Variants in TENM2 observed in about 807,000 individuals in gnomAD.
TENM2 encodes the protein teneurin-2.
A neutral mutation model predicts 245.2 loss-of-function variants in TENM2; 52 were observed. The observed-to-expected ratio is 0.21, with a 90% CI of 0.17 to 0.27. The LOEUF (loss-of-function observed/expected upper bound fraction) is 0.27. TENM2 is among the 10% of genes least tolerant of loss of function. The pLI is 1.00. For synonymous variants in TENM2, 1,363 were observed against 1,438.9 expected (o/e 0.95, Z 1.19); for missense variants, 3,046 against 3,666.8 (o/e 0.83, Z 4.37).
intron 2 of TENM2, among the ~76,000 whole-genome samples, chr5:167,709,033 A>G (rs950079205): frequency 3.9e-5 from 6 of 152,062 alleles, no homozygotes; most frequent in African/African-American, 1.2e-4. Context: ...TGTCTATCCA[A>G]TACAGTCCTA....
Position 167,550,692 on chromosome 5 carries a change from TG to T in TENM2, c.502+175220del, listed in dbSNP as rs1349509320. Among the ~76,000 whole-genome samples the T allele has an allele frequency of 4.7e-3, 654 of 139,086 alleles. 45 individuals carry two copies. The highest frequency in any genetic ancestry group is 0.015 in the African/African-American group (570 of 36,892). 91.2% of individuals were successfully genotyped at this position (139,086 alleles called of 152,430 possible). On this transcript the variant is annotated intron_variant, in intron 2 of 28. Coordinates refer to ENST00000518659, the Ensembl canonical transcript of TENM2. ...TCTACACAATTACCTTTTTTTTTGT[TG>T]TTGTTAGTGTGTGTGTGTGTGTGTG... is the stretch of plus-strand genomic sequence containing the variant.
intron 2 of TENM2, among the ~76,000 whole-genome samples, chr5:167,762,650 T>A (rs951780961): frequency 6.6e-6 from 1 of 152,232 alleles, no homozygotes; most frequent in African/African-American, 2.4e-5. Flanking sequence ...ACTTCTGTGC[T>A]TAGGCAAAGT....
intron 8 of TENM2, 47 bp from the exon 11 acceptor site, chr5:168,097,979 C>T (rs938906802): frequency 7.7e-6 from 11 of 1,427,098 alleles, no homozygotes; most frequent in Non-Finnish European, 9.8e-6. Flanking sequence ...AATTACTGCA[C>T]CAGTAGACAG....
intron 2 of TENM2, among the ~76,000 whole-genome samples, chr5:167,825,273 G>A (rs139800200): frequency 4.7e-4 from 72 of 151,808 alleles, no homozygotes; most frequent in Non-Finnish European, 8.5e-4. Flanking sequence ...TGCATAGTGC[G>A]TGTAGTACAT....
intron 2 of TENM2, among the ~76,000 whole-genome samples, chr5:167,520,996 T>C (rs891982558): frequency 1.3e-5 from 2 of 151,238 alleles, no homozygotes; most frequent in African/African-American, 4.9e-5. Context: ...TCAGGGCTCG[T>C]TCCTAATTAA....
chr5:167,304,062 A>G (rs1321601329), intron 1 of TENM2, among the ~76,000 whole-genome samples: 4 of 152,216 alleles, frequency 2.6e-5, no homozygotes, highest in East Asian at 1.9e-4. Flanking sequence ...TTTTCTGACA[A>G]TAATGTGCTA....
In TENM2 at chr5:167,899,838, G is replaced by A. The variant is rs1004999140; in HGVS notation, c.712+23643G>A. The stretch of plus-strand genomic sequence containing the variant: ...GACCAAGTGCCCATTAGGATGGAGC[G>A]AAAGAACGGCATCCGACTCTTACAA... On this transcript the variant is annotated intron_variant, in intron 3 of 28. Transcript: ENST00000518659. Among the ~76,000 whole-genome samples the A allele has an allele frequency of 3.9e-5, 6 of 152,116 alleles. No homozygotes were observed. In the East Asian group the frequency reaches 5.8e-4, roughly 15 times the overall value.
intron 1 of TENM2, among the ~76,000 whole-genome samples, chr5:167,370,659 A>G (rs946490900): frequency 2.0e-5 from 3 of 152,288 alleles, no homozygotes; most frequent in Non-Finnish European, 4.4e-5. Flanking sequence ...GCCATAGAGC[A>G]CATACCTGAA....
intron 1 of TENM2, among the ~76,000 whole-genome samples, chr5:167,343,001 A>G (rs1210664198): frequency 1.3e-5 from 2 of 151,514 alleles, no homozygotes; most frequent in Non-Finnish European, 2.9e-5. Context: ...TCCTCCATTT[A>G]TTTACCTATT....
At chr5:167,884,130 C>A (rs1398692965) in intron 3 of TENM2, among the ~76,000 whole-genome samples, 1 of 152,206 alleles carries the variant, frequency 6.6e-6, no homozygotes, top group Non-Finnish European at 1.5e-5. Flanking sequence ...CTGTTATAAA[C>A]ATTTAAATGA....
chr5:167,852,901 A>G (rs1770712999), intron 2 of TENM2, among the ~76,000 whole-genome samples: 1 of 152,174 alleles, frequency 6.6e-6, no homozygotes, highest in Non-Finnish European at 1.5e-5. Flanking sequence ...CGGAAGATGG[A>G]AACCTCTGTT....
At chr5:167,860,026 G>A (rs1289340225) in intron 2 of TENM2, among the ~76,000 whole-genome samples, 1 of 46,380 alleles carries the variant, frequency 2.2e-5, no homozygotes, top group Non-Finnish European at 4.6e-5. Flanking sequence ...CGGCCCCCCT[G>A]CCCGGCCAGC....
chr5:167,384,849 A>T (rs1761323907), intron 2 of TENM2, among the ~76,000 whole-genome samples: 1 of 152,218 alleles, frequency 6.6e-6, no homozygotes. Context: ...GCATTTCAGT[A>T]GCAGAAATTA....
chr5:168,013,987 G>C (rs1249231461), intron 5 of TENM2, among the ~76,000 whole-genome samples: 1 of 152,152 alleles, frequency 6.6e-6, no homozygotes, highest in East Asian at 1.9e-4. Context: ...CTGCGTCCAA[G>C]TTTTCCCTAT....
At chr5:167,283,963 A>AT (rs1011655008), upstream of TENM2, among the ~76,000 whole-genome samples, 603 of 146,270 alleles carry the variant, frequency 4.1e-3, 2 homozygotes, top group African/African-American at 0.013. Context: ...AGCTTTCCTC[A>AT]TTTTTTTTTT....
chr5:167,924,243 T>A (rs1333337774), intron 3 of TENM2, among the ~76,000 whole-genome samples: 3 of 152,204 alleles, frequency 2.0e-5, no homozygotes, highest in African/African-American at 7.2e-5. Context: ...TCAGGCCCAG[T>A]TAGCTGAATA....
At chr5:167,900,133 A>AG (rs70976451) in intron 3 of TENM2, among the ~76,000 whole-genome samples, 22 of 100,522 alleles carry the variant, frequency 2.2e-4, no homozygotes, top group East Asian at 4.1e-4. Context: ...AAAAAAAAAA[A>AG]GGGGGGGGGG....
chr5:167,538,731 C>T (rs1449299676), intron 2 of TENM2, among the ~76,000 whole-genome samples: 2 of 152,186 alleles, frequency 1.3e-5, no homozygotes, highest in Admixed American at 6.5e-5. Flanking sequence ...CTTCTCCTCT[C>T]ATTCCAGCTT....
intron 9 of TENM2, among the ~76,000 whole-genome samples, chr5:168,112,710 C>T (rs1794779496): frequency 6.6e-6 from 1 of 151,782 alleles, no homozygotes; most frequent in Non-Finnish European, 1.5e-5. Flanking sequence ...TTGCTCAGCA[C>T]CAAGCTAAGT....
Sources: gnomAD v4.1 joint callset for allele counts (sites outside exome capture counted in the v4.1 genomes callset) on GRCh38, gnomAD v4.1.1 for gene constraint, MANE v1.5 for transcripts, NCBI Gene and HGNC (gene_info 2026-07-23, HGNC 2026-07-21) for gene names.